Variants in SSUH2 observed in about 807,000 individuals in gnomAD.
SSUH2 encodes protein SSUH2 homolog.
A neutral mutation model predicts 55.3 loss-of-function variants in SSUH2; 47 were observed. The ratio of observed to expected loss-of-function variants is 0.85; its 90% confidence interval spans 0.67 to 1.08. The LOEUF is 1.08. Ranked by LOEUF, SSUH2 falls within the 50% of genes least tolerant of loss-of-function variation. SSUH2 has a pLI of 0.00. For missense variants in SSUH2, 535 were observed against 490.7 expected (o/e 1.09, Z -0.85); for synonymous variants, 212 against 191.5 (o/e 1.11, Z -0.89).
At chr3:8,652,143 T>C (rs774710942) in intron 7 of SSUH2, 1 of 152,328 alleles carries the variant, frequency 6.6e-6, no homozygotes, top group African/African-American at 2.4e-5. Flanking sequence ...AACAATCACA[T>C]GATCAGGATG....
chr3:8,680,232 T>C (rs942991542), intron 1 of SSUH2, among the ~76,000 whole-genome samples: 17 of 152,038 alleles, frequency 1.1e-4, no homozygotes, highest in African/African-American at 3.6e-4. Flanking sequence ...ACTGCCCTGC[T>C]AGTACAAGAA....
Position 8,678,439 on chromosome 3 carries a change from T to C in SSUH2, c.-900-1086A>G, listed in dbSNP as rs560280319. ...TGAACAGCCTGCGATGCTGGAATTA[T>C]TATCCTCTCCGCCTCTATCCCCCCC... On this transcript the variant is annotated intron_variant, in intron 2 of 18. Coordinates refer to the SSUH2 transcript ENST00000317371. Among the ~76,000 whole-genome samples the C allele has an allele frequency of 3.3e-3, 508 of 152,050 alleles. 3 individuals carry two copies. The highest frequency in any genetic ancestry group is 0.011 in the African/African-American group (467 of 41,510).
In SSUH2 at chr3:8,681,650, G is replaced by C. The variant is rs544192233; in HGVS notation, c.-1046+241C>G. ...ATCGCAGGAGGGTGAGGCACCCCCC[G>C]TGCGATGGGGACTGAAAGTCAGCCC... On this transcript the variant is annotated intron_variant, in intron 1 of 18. Transcript: ENST00000317371. 2.0e-4 allele frequency among the ~76,000 whole-genome samples: 29 copies of C among 147,802 alleles called. No individual in the cohort carries two copies. In the South Asian group the frequency reaches 5.8e-3, roughly 30 times the overall value.
At chr3:8,652,458 G>C (rs1702522918) in intron 7 of SSUH2, among the ~76,000 whole-genome samples, 1 of 152,196 alleles carries the variant, frequency 6.6e-6, no homozygotes, top group Non-Finnish European at 1.5e-5. Flanking sequence ...TGTCTACCCA[G>C]ACTGTCTTCT....
chr3:8,645,556 A>T (rs1483636397), upstream of SSUH2, among the ~76,000 whole-genome samples: 1 of 152,126 alleles, frequency 6.6e-6, no homozygotes, highest in Non-Finnish European at 1.5e-5. Flanking sequence ...CCGAGGCTCT[A>T]TGGGTCCCAC....
At chr3:8,644,692 C>G (rs1559444204) in intron 1 of SSUH2, 39 bp downstream of exon 1, 1 of 1,527,638 alleles carries the variant, frequency 6.5e-7, no homozygotes, top group Admixed American at 2.0e-5. Flanking sequence ...TAAAATATCT[C>G]CACACAGTCT....
intron 1 of SSUH2, among the ~76,000 whole-genome samples, chr3:8,643,247 A>C (rs767987381): frequency 5.3e-5 from 8 of 152,162 alleles, no homozygotes; most frequent in Non-Finnish European, 1.2e-4. Flanking sequence ...CCTTTAAAAA[A>C]AATTATGGGA....
intron 8 of SSUH2, among the ~76,000 whole-genome samples, chr3:8,626,524 G>A (rs1470244030): frequency 1.2e-5 from 1 of 81,150 alleles, no homozygotes; most frequent in Non-Finnish European, 2.5e-5. Flanking sequence ...CAGCCCACAT[G>A]GCTCTAGGGC....
intron 7 of SSUH2, among the ~76,000 whole-genome samples, chr3:8,657,271 A>G (rs147826787): frequency 1.4e-3 from 210 of 150,270 alleles, no homozygotes; most frequent in African/African-American, 4.5e-3. Flanking sequence ...TCTTCACATA[A>G]CTGACACTGC....
intron 5 of SSUH2, among the ~76,000 whole-genome samples, chr3:8,667,449 C>A (rs944946043): frequency 1.3e-5 from 2 of 152,168 alleles, no homozygotes; most frequent in African/African-American, 4.8e-5. Flanking sequence ...TTCTTTACCG[C>A]ACTTTATTTT....
chr3:8,658,572 C>T (rs1448807656), intron 7 of SSUH2, among the ~76,000 whole-genome samples: 1 of 152,196 alleles, frequency 6.6e-6, no homozygotes, highest in Admixed American at 6.5e-5. Flanking sequence ...TTGCTTTGTT[C>T]GGCCGGGTGG....
chr3:8,620,612 G>A (rs1163536150), intron 11 of SSUH2, among the ~76,000 whole-genome samples: 1 of 152,148 alleles, frequency 6.6e-6, no homozygotes, highest in African/African-American at 2.4e-5. Flanking sequence ...CTCATCTTTA[G>A]CTACCATTTG....
intron 5 of SSUH2, among the ~76,000 whole-genome samples, chr3:8,664,869 G>A (rs1433252372): frequency 3.3e-5 from 5 of 152,188 alleles, no homozygotes; most frequent in Admixed American, 2.0e-4. Flanking sequence ...CAGCTCAAAC[G>A]TTTCTCAAGA....
intron 5 of SSUH2, chr3:8,663,956 T>G (rs1320676985): frequency 2.5e-6 from 1 of 398,296 alleles, no homozygotes; most frequent in African/African-American, 2.1e-5. Flanking sequence ...AGTGAGGGAT[T>G]CTTTGGCTTG....
chr3:8,627,817 C>T (rs1222199827), intron 7 of SSUH2, 34 bp from the exon 8 acceptor site: 3 of 1,583,436 alleles, frequency 1.9e-6, no homozygotes, highest in African/African-American at 2.7e-5. Context: ...CCCCCGCTGG[C>T]CTCCCAGGAA....
At chr3:8,633,142 C>CTTT (rs139752594) in intron 4 of SSUH2, among the ~76,000 whole-genome samples, 2 of 119,894 alleles carry the variant, frequency 1.7e-5, no homozygotes, top group African/African-American at 3.1e-5. Context: ...TTGATGACGC[C>CTTT]TTTTTTTTTT....
At chr3:8,680,852 C>T (rs1441141772) in intron 1 of SSUH2, among the ~76,000 whole-genome samples, 6 of 152,096 alleles carry the variant, frequency 3.9e-5, no homozygotes, top group Non-Finnish European at 7.4e-5. Flanking sequence ...TTATGGGGAG[C>T]CGTATCTGTC....
chr3:8,659,685 C>G (rs539589841), intron 6 of SSUH2: 26 of 438,412 alleles, frequency 5.9e-5, no homozygotes, highest in South Asian at 4.2e-4. Context: ...GCATGGGATC[C>G]AGTATTCATC....
At chr3:8,634,222 A>C (rs1051516111) in intron 3 of SSUH2, 12 of 575,354 alleles carry the variant, frequency 2.1e-5, no homozygotes, top group South Asian at 3.9e-5. Context: ...GCTGCTAGCA[A>C]CATGATGGGA....
Sources: gnomAD v4.1 joint callset for allele counts (sites outside exome capture counted in the v4.1 genomes callset) on GRCh38, gnomAD v4.1.1 for gene constraint, MANE v1.5 for transcripts, NCBI Gene and HGNC (gene_info 2026-07-23, HGNC 2026-07-21) for gene names.